The following PLPPR1 variants were observed in gnomAD, a reference collection of about 807,000 sequenced individuals.
The protein encoded by PLPPR1 is phospholipid phosphatase-related protein type 1.
PLPPR1 carries 10 observed loss-of-function variants against 33.1 expected under a neutral mutation model. The ratio of observed to expected loss-of-function variants is 0.30; its 90% CI spans 0.19 to 0.51. PLPPR1 has a LOEUF of 0.51. PLPPR1 is among the 20% of genes least tolerant of loss of function. The pLI, the probability that PLPPR1 is intolerant of heterozygous loss-of-function variation, is 0.97. For missense variants in PLPPR1, 304 were observed against 408.1 expected (o/e 0.74, Z 2.20); for synonymous variants, 151 against 151.0 (o/e 1.00, Z 0.00).
chr9:101,035,038 C>G (rs756446561), intron 1 of PLPPR1, among the ~76,000 whole-genome samples: 3 of 152,158 alleles, frequency 2.0e-5, no homozygotes, highest in Non-Finnish European at 4.4e-5. Context: ...TTAGCCTAGT[C>G]TTTGCACCTT....
At chr9:101,264,498 A>G (rs1827951401) in intron 2 of PLPPR1, among the ~76,000 whole-genome samples, 1 of 151,984 alleles carries the variant, frequency 6.6e-6, no homozygotes, top group Non-Finnish European at 1.5e-5. Flanking sequence ...CATAACTCCC[A>G]CTGGGGATCA....
intron 7 of PLPPR1, among the ~76,000 whole-genome samples, chr9:101,318,582 G>A (rs1352341498): frequency 6.6e-6 from 1 of 152,046 alleles, no homozygotes; most frequent in African/African-American, 2.4e-5. Context: ...GACCAGACTG[G>A]GCAACATGGC....
intron 4 of PLPPR1, among the ~76,000 whole-genome samples, chr9:101,305,115 A>C (rs1246056647): frequency 6.6e-6 from 1 of 152,146 alleles, no homozygotes; most frequent in Admixed American, 6.5e-5. Flanking sequence ...TGATAGTATG[A>C]AAGAAAGAAA....
At chr9:101,131,561 G>A (rs1475326206) in intron 1 of PLPPR1, 3 of 152,186 alleles carry the variant, frequency 2.0e-5, no homozygotes, top group Non-Finnish European at 4.4e-5. Flanking sequence ...TAGAGGACTC[G>A]TCGTGAGCGG....
chr9:101,227,835 G>A (rs1827102474), intron 2 of PLPPR1, among the ~76,000 whole-genome samples: 1 of 152,114 alleles, frequency 6.6e-6, no homozygotes, highest in Non-Finnish European at 1.5e-5. Flanking sequence ...GGAGTGCAGT[G>A]GTGTGATCTC....
chr9:101,227,036 C>T (rs1281739238), intron 2 of PLPPR1, among the ~76,000 whole-genome samples: 3 of 152,088 alleles, frequency 2.0e-5, no homozygotes, highest in South Asian at 4.1e-4. Flanking sequence ...AGCAAAGGTG[C>T]CTGTGCCCTA....
Position 101,038,435 on chromosome 9 carries a change from C to T in PLPPR1, c.-46+9333C>T, listed in dbSNP as rs142501069. Among the ~76,000 whole-genome samples the T allele has an allele frequency of 8.0e-4, 121 of 152,112 alleles. No homozygotes were observed. The East Asian group carries it at 0.021, about 26-fold the overall frequency. On this transcript the variant is annotated intron_variant, in intron 1 of 7. Transcript: ENST00000374874. ...ACATTCTAGCAAGAGAAAAAAATAA[C>T]GAGAGGACTTAATAAATGGCAAAAG...
At chr9:101,282,979 C>G (rs1828330114) in intron 3 of PLPPR1, among the ~76,000 whole-genome samples, 1 of 152,062 alleles carries the variant, frequency 6.6e-6, no homozygotes, top group Admixed American at 6.6e-5. Context: ...TCTACAGATT[C>G]AACTCATTTG....
chr9:101,196,747 C>T (rs1826401948), intron 2 of PLPPR1, among the ~76,000 whole-genome samples: 1 of 152,050 alleles, frequency 6.6e-6, no homozygotes, highest in Admixed American at 6.5e-5. Context: ...TGCCTGTAGT[C>T]CCAGCTACTT....
At chr9:101,030,690 C>A (rs757693273) in intron 1 of PLPPR1, among the ~76,000 whole-genome samples, 22 of 151,994 alleles carry the variant, frequency 1.4e-4, no homozygotes, top group Middle Eastern at 3.4e-3. Flanking sequence ...AAGTAAACTC[C>A]GGAAGCTCAG....
chr9:101,312,236 A>C (rs1828972334), intron 5 of PLPPR1, among the ~76,000 whole-genome samples: 1 of 152,254 alleles, frequency 6.6e-6, no homozygotes, highest in South Asian at 2.1e-4. Flanking sequence ...TATGTGATGC[A>C]GTTGTTGGGA....
chr9:101,291,225 A>G (rs10989463), intron 4 of PLPPR1, among the ~76,000 whole-genome samples: 25,613 of 152,060 alleles, frequency 0.17, 2,934 homozygotes, highest in African/African-American at 0.32. Flanking sequence ...AGGTGGCAGC[A>G]AGGCTGGGGG....
chr9:101,116,360 A>T (rs1402985343), intron 1 of PLPPR1, among the ~76,000 whole-genome samples: 1 of 152,238 alleles, frequency 6.6e-6, no homozygotes, highest in Non-Finnish European at 1.5e-5. Context: ...AGTCTGAATC[A>T]ATATTCTAAT....
At chr9:101,133,157 C>T (rs1831334375) in intron 1 of PLPPR1, among the ~76,000 whole-genome samples, 1 of 152,084 alleles carries the variant, frequency 6.6e-6, no homozygotes, top group South Asian at 2.1e-4. Context: ...CATCAATACC[C>T]ACTTTGATCC....
chr9:101,118,103 G>C (rs1008523700), intron 1 of PLPPR1, among the ~76,000 whole-genome samples: 1 of 152,232 alleles, frequency 6.6e-6, no homozygotes, highest in East Asian at 1.9e-4. Context: ...CTAAGATACA[G>C]TGCAGCTGCT....
At chr9:101,323,901 T>C in intron 7 of PLPPR1, 124 bp from the exon 8 acceptor site, 3 of 638,240 alleles carry the variant, frequency 4.7e-6, no homozygotes, top group Non-Finnish European at 8.1e-6. Flanking sequence ...AAAAGCATAT[T>C]AGGGGGACGG....
chr9:101,087,458 A>G (rs867168977), intron 1 of PLPPR1, among the ~76,000 whole-genome samples: 1 of 152,222 alleles, frequency 6.6e-6, no homozygotes, highest in South Asian at 2.1e-4. Context: ...AAAGAACGAG[A>G]GATGTAAAAA....
At chr9:101,239,057 T>C (rs901044257) in intron 2 of PLPPR1, among the ~76,000 whole-genome samples, 27 of 96,184 alleles carry the variant, frequency 2.8e-4, no homozygotes, top group South Asian at 1.1e-3. Flanking sequence ...CTGAATTTCA[T>C]TGAGTGTGTG....
intron 4 of PLPPR1, among the ~76,000 whole-genome samples, chr9:101,304,624 C>G (rs1828814133): frequency 6.6e-6 from 1 of 152,174 alleles, no homozygotes; most frequent in African/African-American, 2.4e-5. Flanking sequence ...GATTATTTCT[C>G]CCTATTTACT....
Sources: allele counts gnomAD v4.1 joint callset (sites outside exome capture counted in the v4.1 genomes callset), GRCh38; gene constraint gnomAD v4.1.1; transcripts MANE v1.5; gene names NCBI Gene and HGNC (gene_info 2026-07-23, HGNC 2026-07-21).